Variants in SCUBE1 observed in about 807,000 individuals in gnomAD.
The protein encoded by SCUBE1 is signal peptide, CUB and EGF-like domain-containing protein 1.
SCUBE1 carries 59 observed loss-of-function variants against 124.4 expected under a neutral mutation model. That is an observed-to-expected ratio of 0.47 (90% CI 0.38 to 0.59). The LOEUF (loss-of-function observed/expected upper bound fraction) is 0.59, where lower values mean the gene tolerates loss of function less well. SCUBE1 is among the 20% of genes least tolerant of loss of function. The pLI, the probability that SCUBE1 is intolerant of heterozygous loss-of-function variation, is 0.00. For missense variants in SCUBE1, 1,150 were observed against 1,371.2 expected (o/e 0.84, Z 2.55); for synonymous variants, 545 against 550.9 (o/e 0.99, Z 0.15).
At chr22:43,209,664 C>A (rs1031153148) in intron 19 of SCUBE1, among the ~76,000 whole-genome samples, 4 of 152,214 alleles carry the variant, frequency 2.6e-5, no homozygotes, top group Non-Finnish European at 5.9e-5. Context: ...GGAGGAGACC[C>A]ATGGAGCTGG....
chr22:43,321,058 A>T (rs4820521), intron 2 of SCUBE1, among the ~76,000 whole-genome samples: 2 of 151,996 alleles, frequency 1.3e-5, no homozygotes, highest in African/African-American at 2.4e-5. Context: ...CCGAGACACG[A>T]TGGGGAGAGA....
intron 21 of SCUBE1, 75 bp from the exon 22 acceptor site, chr22:43,204,224 G>A (rs1267407474): frequency 1.4e-6 from 2 of 1,385,868 alleles, no homozygotes; most frequent in South Asian, 2.4e-5. Context: ...CAGGCTGGGG[G>A]AGGGGAGAGA....
At chr22:43,257,456 G>C (rs894275167) in intron 6 of SCUBE1, among the ~76,000 whole-genome samples, 1 of 152,222 alleles carries the variant, frequency 6.6e-6, no homozygotes, top group Non-Finnish European at 1.5e-5. Context: ...AAACCTACTA[G>C]TGATTATGGC....
At chr22:43,232,239 G>A (rs752646522) in intron 7 of SCUBE1, 4 of 206,200 alleles carry the variant, frequency 1.9e-5, no homozygotes, top group Admixed American at 1.0e-4. Context: ...CAGGGAGGCC[G>A]CCTGGCCAGC....
In SCUBE1 at chr22:43,220,453, A is replaced by C; in HGVS notation, c.1684T>G (p.Ser562Ala). 1 of 1,613,646 alleles carries C rather than the reference A, an allele frequency of 6.2e-7. No homozygotes were observed. Among genetic ancestry groups the C allele is most frequent in the Admixed American group, 1.7e-5 (1 of 60,004 alleles). ...CCCAGGAGAACCCCTCACCTACCTGAGGCCTCTTCCATCTTTGTCTCGATC... is the reference window on the plus strand; with the variant it reads ...CCCAGGAGAACCCCTCACCTACCTGCGGCCTCTTCCATCTTTGTCTCGATC... ...FEIETKMEEA[S>A]DTCEADCLRK... Residue 562 changes from serine (S) to alanine (A), a missense_variant, in exon 14 of 22, where the codon TCA becomes GCA. By Grantham distance (99) the Ser-to-Ala change is moderately conservative. Transcript: ENST00000360835.
intron 6 of SCUBE1, among the ~76,000 whole-genome samples, chr22:43,247,895 G>A (rs1923280782): frequency 6.6e-6 from 1 of 152,254 alleles, no homozygotes; most frequent in Non-Finnish European, 1.5e-5. Context: ...ATGTGGGCCT[G>A]CAGGGCCGGG....
intron 21 of SCUBE1, 68 bp downstream of exon 21, chr22:43,207,466 G>C: frequency 8.1e-7 from 1 of 1,238,316 alleles, no homozygotes; most frequent in Non-Finnish European, 1.2e-6. Flanking sequence ...CTGGGGCAGG[G>C]GCGGTCCTGG....
chr22:43,230,469 G>C (rs967016814), intron 8 of SCUBE1, among the ~76,000 whole-genome samples: 7 of 152,096 alleles, frequency 4.6e-5, no homozygotes, highest in Non-Finnish European at 1.0e-4. Context: ...GGTGGGGCGG[G>C]TGAGGACAGG....
At chr22:43,264,718 C>T (rs1190561767) in intron 4 of SCUBE1, among the ~76,000 whole-genome samples, 1 of 152,244 alleles carries the variant, frequency 6.6e-6, no homozygotes, top group Non-Finnish European at 1.5e-5. Context: ...CACAGCTGTA[C>T]ACACTCCACG....
At chr22:43,277,452 G>T (rs916171911) in intron 4 of SCUBE1, among the ~76,000 whole-genome samples, 2 of 152,170 alleles carry the variant, frequency 1.3e-5, no homozygotes, top group South Asian at 4.1e-4. Flanking sequence ...CCTAGGCAGA[G>T]GGCAGCATGG....
rs370847237 is a variant in SCUBE1, at chr22:43,238,935, G to A, written c.747C>T (p.Asn249=). The A allele has an allele frequency of 7.4e-6, 12 of 1,612,664 alleles. No individual in the cohort carries two copies. Among genetic ancestry groups the A allele is most frequent in the South Asian group, 2.2e-5 (2 of 91,072 alleles). The change falls in exon 7 of 22, where the codon AAC becomes AAT. Residue 249 remains asparagine (N), a synonymous_variant. Coordinates refer to ENST00000360835, the MANE Select transcript of SCUBE1 (RefSeq NM_173050.5). ...RTCIETCAVN[N]GGCDRTCKDT... ...CCTTGCATGTCCGGTCGCAGCCTCCGTTATTGACTGCGCACGTCTCTGGGG... is the reference window on the plus strand; with the variant it reads ...CCTTGCATGTCCGGTCGCAGCCTCCATTATTGACTGCGCACGTCTCTGGGG...
rs1351153035 is a variant in SCUBE1 at position 43,255,784 on chromosome 22, C to A, written c.727+2435G>T. Among the ~76,000 whole-genome samples the A allele has an allele frequency of 6.6e-6, 1 of 151,208 alleles. No individual in the cohort carries two copies. Among genetic ancestry groups the A allele is most frequent in the Non-Finnish European group, 1.5e-5 (1 of 67,752 alleles). On this transcript the variant is annotated intron_variant, in intron 6 of 21. Coordinates refer to ENST00000360835, the MANE Select transcript of SCUBE1 (RefSeq NM_173050.5). This position sits in a 1 kb window ranked among gnomAD's most constrained non-coding sequence, Gnocchi z 4.7. ...AGCAGAGAGGCAGCGAGGGCGGGGG[C>A]GGGGGGACGTGCAGGAAAGGAGGAA...
intron 3 of SCUBE1, among the ~76,000 whole-genome samples, chr22:43,308,498 G>T (rs898592965): frequency 6.6e-6 from 1 of 152,176 alleles, no homozygotes; most frequent in African/African-American, 2.4e-5. Context: ...ATGTATTTGA[G>T]CTGTTGAAGT....
chr22:43,278,498 C>A (rs113107763), intron 4 of SCUBE1, among the ~76,000 whole-genome samples: 6 of 152,180 alleles, frequency 3.9e-5, no homozygotes, highest in Non-Finnish European at 8.8e-5. Context: ...CTGCAGGAGC[C>A]GTGCTAGGGC....
At chr22:43,204,635 C>G (rs1921145536) in intron 21 of SCUBE1, among the ~76,000 whole-genome samples, 1 of 151,232 alleles carries the variant, frequency 6.6e-6, no homozygotes, top group Non-Finnish European at 1.5e-5. Flanking sequence ...GGCATTAACT[C>G]TTGGGATTCC....
chr22:43,264,870 A>G (rs908930490), intron 4 of SCUBE1, among the ~76,000 whole-genome samples: 2 of 152,170 alleles, frequency 1.3e-5, no homozygotes, highest in Non-Finnish European at 2.9e-5. Flanking sequence ...CCAGTTCCCC[A>G]AAGCCTCCTG....
chr22:43,291,276 A>C, intron 3 of SCUBE1, 96 bp from the exon 4 acceptor site: 3 of 1,369,282 alleles, frequency 2.2e-6, no homozygotes, highest in Non-Finnish European at 2.0e-6. Context: ...GAATTTCCTC[A>C]CATGGCCCTG....
intron 7 of SCUBE1, chr22:43,238,510 C>T: frequency 1.7e-6 from 1 of 583,826 alleles, no homozygotes; most frequent in South Asian, 2.2e-5. Flanking sequence ...CACTGAGGGC[C>T]CAGGAAGTCC....
chr22:43,329,510 C>T (rs1926836243), intron 2 of SCUBE1, among the ~76,000 whole-genome samples: 1 of 152,276 alleles, frequency 6.6e-6, no homozygotes. Context: ...GGACACACTC[C>T]CAGCTCCACT....
Sources: allele counts gnomAD v4.1 joint callset (sites outside exome capture counted in the v4.1 genomes callset), GRCh38; gene constraint gnomAD v4.1.1; non-coding constraint Gnocchi (gnomAD v3.1); transcripts MANE v1.5; gene names NCBI Gene and HGNC (gene_info 2026-07-23, HGNC 2026-07-21).